Variants in SGCD observed in about 807,000 individuals in gnomAD.
SGCD encodes the protein sarcoglycan delta.
Under a neutral mutation model 36.6 loss-of-function variants are expected in SGCD, and 18 were observed. The ratio of observed to expected loss-of-function variants is 0.49; its 90% CI spans 0.34 to 0.73. SGCD has a LOEUF of 0.73. Among genes scored for constraint, SGCD ranks in the 30% least tolerant of loss-of-function variants. The probability of loss-of-function intolerance (pLI) is 0.01; values close to 1 mark genes in which losing one functional copy is unlikely to be tolerated. For missense variants in SGCD, 387 were observed against 346.7 expected (o/e 1.12, Z -0.92); for synonymous variants, 133 against 130.6 (o/e 1.02, Z -0.12).
At chr5:156,204,690 A>C (rs1426896027) in intron 3 of SGCD, among the ~76,000 whole-genome samples, 1 of 152,214 alleles carries the variant, frequency 6.6e-6, no homozygotes, top group East Asian at 1.9e-4. Context: ...TGAGGAATAA[A>C]TATAGTTATA....
chr5:155,897,136 C>A (rs1472266135), intron 1 of SGCD, among the ~76,000 whole-genome samples: 4 of 152,102 alleles, frequency 2.6e-5, no homozygotes, highest in Non-Finnish European at 5.9e-5. Context: ...CTGACATAAA[C>A]CTGGACGGTA....
At chr5:156,359,792 C>T (rs1376165908) in intron 3 of SGCD, among the ~76,000 whole-genome samples, 1 of 152,196 alleles carries the variant, frequency 6.6e-6, no homozygotes, top group African/African-American at 2.4e-5. Flanking sequence ...ACAGCTGGTG[C>T]TATACCTCCC....
chr5:156,156,665 A>G (rs767012431), intron 3 of SGCD, among the ~76,000 whole-genome samples: 3 of 151,204 alleles, frequency 2.0e-5, no homozygotes, highest in African/African-American at 7.4e-5. Flanking sequence ...TGTACAGAAC[A>G]CCCCAAACCT....
chr5:156,313,185 T>C (rs1767433138), intron 3 of SGCD, among the ~76,000 whole-genome samples: 1 of 152,044 alleles, frequency 6.6e-6, no homozygotes, highest in South Asian at 2.1e-4. Flanking sequence ...ATTTAACAAA[T>C]AATGATGAGT....
At chr5:156,669,587 A>T (rs2113652944) in intron 7 of SGCD, among the ~76,000 whole-genome samples, 1 of 152,340 alleles carries the variant, frequency 6.6e-6, no homozygotes, top group East Asian at 1.9e-4. Flanking sequence ...ATGGATAAAG[A>T]TGATTTGTCA....
At chr5:156,684,529 A>G (rs1330169606) in intron 7 of SGCD, among the ~76,000 whole-genome samples, 1 of 152,150 alleles carries the variant, frequency 6.6e-6, no homozygotes, top group Non-Finnish European at 1.5e-5. Flanking sequence ...CCTTTTATCT[A>G]TAACTGCTTC....
chr5:155,994,996 C>T (rs1048893831), intron 1 of SGCD, among the ~76,000 whole-genome samples: 14 of 152,200 alleles, frequency 9.2e-5, no homozygotes, highest in Non-Finnish European at 1.3e-4. Context: ...AGTCGTCTGT[C>T]CGTGTACCCA....
chr5:156,571,647 C>T (rs1759729216), intron 4 of SGCD, among the ~76,000 whole-genome samples: 1 of 152,190 alleles, frequency 6.6e-6, no homozygotes, highest in African/African-American at 2.4e-5. Flanking sequence ...CCGTGGCCTG[C>T]TTCTAGATCC....
intron 1 of SGCD, among the ~76,000 whole-genome samples, chr5:156,101,187 A>T (rs1382488645): frequency 6.6e-6 from 1 of 152,204 alleles, no homozygotes; most frequent in Non-Finnish European, 1.5e-5. Context: ...TGTTTACATC[A>T]CCCAATCTAT....
At chr5:155,767,352 G>A in the SGCD span, among the ~76,000 whole-genome samples, 1 of 152,178 alleles carries the variant, frequency 6.6e-6, no homozygotes, top group South Asian at 2.1e-4. Context: ...AGAAATCATT[G>A]CATCCGCTTC....
At chr5:156,628,091 G>A (rs1252537564) in intron 6 of SGCD, among the ~76,000 whole-genome samples, 1 of 152,190 alleles carries the variant, frequency 6.6e-6, no homozygotes, top group Non-Finnish European at 1.5e-5. Context: ...CAGAGGGGGA[G>A]CAAGCACATC....
intron 3 of SGCD, among the ~76,000 whole-genome samples, chr5:156,179,377 C>A (rs1293747999): frequency 1.3e-5 from 2 of 151,916 alleles, no homozygotes; most frequent in African/African-American, 4.8e-5. Flanking sequence ...TATTCATTTA[C>A]GTATTGCAAG....
At chr5:156,076,504 A>G (rs1760788537) in intron 1 of SGCD, among the ~76,000 whole-genome samples, 1 of 152,222 alleles carries the variant, frequency 6.6e-6, no homozygotes, top group African/African-American at 2.4e-5. Context: ...GAAGGATTGA[A>G]GTGAGGAAAA....
At chr5:155,938,652 T>A (rs1382463355) in intron 1 of SGCD, among the ~76,000 whole-genome samples, 1 of 152,222 alleles carries the variant, frequency 6.6e-6, no homozygotes, top group East Asian at 1.9e-4. Context: ...CCACTGTGAA[T>A]GTTCTGACTT....
intron 3 of SGCD, among the ~76,000 whole-genome samples, chr5:156,277,426 C>T (rs1391682242): frequency 6.6e-6 from 1 of 152,172 alleles, no homozygotes. Flanking sequence ...AAATAGCCCA[C>T]TTGTAATGAG....
chr5:156,537,152 T>C (rs1758149249), intron 4 of SGCD, among the ~76,000 whole-genome samples: 1 of 152,160 alleles, frequency 6.6e-6, no homozygotes, highest in Admixed American at 6.5e-5. Flanking sequence ...TCCCCATTAT[T>C]CTACTCCATG....
intron 3 of SGCD, among the ~76,000 whole-genome samples, chr5:156,388,815 A>G (rs1332852692): frequency 1.3e-5 from 2 of 152,244 alleles, no homozygotes; most frequent in Admixed American, 6.5e-5. Context: ...AGTATTTTAA[A>G]TATTTCCCTA....
chr5:155,928,096 G>A (rs1289485686), intron 1 of SGCD, among the ~76,000 whole-genome samples: 2 of 152,154 alleles, frequency 1.3e-5, no homozygotes, highest in Non-Finnish European at 2.9e-5. Flanking sequence ...AATTTGTACT[G>A]TTCCAAATAA....
At chr5:156,364,932 G>A (rs533099781) in intron 3 of SGCD, among the ~76,000 whole-genome samples, 23 of 152,286 alleles carry the variant, frequency 1.5e-4, no homozygotes, top group Admixed American at 5.2e-4. Flanking sequence ...ACTACCTGTC[G>A]CCTCTGGGCA....
Sources: allele counts gnomAD v4.1 joint callset (sites outside exome capture counted in the v4.1 genomes callset), GRCh38; gene constraint gnomAD v4.1.1; transcripts MANE v1.5; gene names NCBI Gene and HGNC (gene_info 2026-07-23, HGNC 2026-07-21).